ZNF609: variants seen among roughly 807,000 people sequenced by gnomAD.
The protein encoded by ZNF609 is zinc finger protein 609.
In ZNF609, 11 loss-of-function variants were observed where a neutral mutation model predicts 109.5. The observed-to-expected ratio is 0.10, with a 90% confidence interval of 0.06 to 0.17. ZNF609 has a LOEUF of 0.17. ZNF609 is among the 10% of genes least tolerant of loss of function. The probability of loss-of-function intolerance (pLI) is 1.00; values close to 1 mark genes in which losing one functional copy is unlikely to be tolerated. For synonymous variants in ZNF609, 646 were observed against 662.0 expected, an observed-to-expected ratio of 0.98 and a Z score of 0.37; for missense variants, 1,559 against 1,772.4, an observed-to-expected ratio of 0.88 and a Z score of 2.16.
chr15:64,674,067 G>A lies in ZNF609; in HGVS notation c.1213G>A (p.Ala405Thr). The change falls in exon 5 of 10, where the codon GCC becomes ACC. Residue 405 changes from alanine to threonine, a missense_variant. By Grantham distance (58) the Ala-to-Thr change is moderately conservative. Around this residue, in one of 4 missense-constraint regions of ZNF609, gnomAD observed 1,204 missense variants for 1,314.1 expected, o/e 0.92. Coordinates refer to ENST00000326648, the MANE Select transcript of ZNF609 (RefSeq NM_015042.2). Reference protein sequence around the residue: ...TSNSSKTRAGANSKGRRGSQN... With the variant: ...TSNSSKTRAGTNSKGRRGSQN... ...TAACAGCAGCAAAACCCGGGCAGGA[G>A]CCAATAGCAAAGGCCGTCGGGGCAG... 7 of 1,614,198 alleles carry A rather than the reference G, an allele frequency of 4.3e-6. 1 individual carries two copies. Among genetic ancestry groups the A allele is most frequent in the Middle Eastern group, 1.6e-4 (1 of 6,062 alleles).
At chr15:64,627,852 G>C (rs1388085281) in intron 3 of ZNF609, among the ~76,000 whole-genome samples, 1 of 150,386 alleles carries the variant, frequency 6.6e-6, no homozygotes, top group Non-Finnish European at 1.5e-5. Context: ...TAGAGACAGA[G>C]TCTTGCTATG....
At chr15:64,588,404 C>T (rs1212799515) in intron 2 of ZNF609, among the ~76,000 whole-genome samples, 4 of 96,468 alleles carry the variant, frequency 4.1e-5, no homozygotes, top group South Asian at 3.6e-4. Flanking sequence ...CTCCAGCCTG[C>T]GTAACAGAGC....
intron 2 of ZNF609, among the ~76,000 whole-genome samples, chr15:64,562,312 A>G (rs686634): frequency 0.74 from 113,049 of 152,194 alleles, 45,515 homozygotes; most frequent in East Asian, 0.96. Context: ...AAAGTAGACT[A>G]TGCTAGGCAA....
chr15:64,636,700 G>GAA (rs1347175880), intron 3 of ZNF609, among the ~76,000 whole-genome samples: 16 of 152,288 alleles, frequency 1.1e-4, no homozygotes, highest in African/African-American at 3.9e-4. Context: ...TGAAGAAAGC[G>GAA]AAACCCTCCC....
chr15:64,651,539 C>G (rs1896415701), intron 3 of ZNF609, among the ~76,000 whole-genome samples: 1 of 152,168 alleles, frequency 6.6e-6, no homozygotes, highest in East Asian at 1.9e-4. Flanking sequence ...TTATTTTAAA[C>G]TAGGAAACCA....
At chr15:64,643,699 T>A (rs1595750323) in intron 3 of ZNF609, 1 of 152,248 alleles carries the variant, frequency 6.6e-6, no homozygotes, top group South Asian at 2.1e-4. Flanking sequence ...CAGCAACAAT[T>A]ATTAATATTT....
At chr15:64,613,275 C>G (rs1895745645) in intron 2 of ZNF609, among the ~76,000 whole-genome samples, 1 of 151,978 alleles carries the variant, frequency 6.6e-6, no homozygotes, top group African/African-American at 2.4e-5. Context: ...GAGCCATAAT[C>G]ACATGAGCCT....
intron 2 of ZNF609, among the ~76,000 whole-genome samples, chr15:64,607,076 G>A (rs969987521): frequency 4.0e-5 from 6 of 151,804 alleles, no homozygotes; most frequent in Non-Finnish European, 8.8e-5. Flanking sequence ...CTCGGGAGGC[G>A]GAGGTTGCAG....
At chr15:64,647,044 C>G (rs2140994739) in intron 3 of ZNF609, among the ~76,000 whole-genome samples, 1 of 151,660 alleles carries the variant, frequency 6.6e-6, no homozygotes, top group Non-Finnish European at 1.5e-5. Context: ...CTTAGTACTC[C>G]CAGCTACTCA....
At chr15:64,526,645 G>A (rs192066010) in intron 2 of ZNF609, among the ~76,000 whole-genome samples, 4 of 151,264 alleles carry the variant, frequency 2.6e-5, no homozygotes, top group Admixed American at 2.6e-4. Context: ...ATGGGGTCTT[G>A]CCCTGTCACC....
In ZNF609 at chr15:64,553,571, A is replaced by ATTTTATT. The variant is rs1483258362; in HGVS notation, c.747+53416_747+53422dup. ...TTTTTTAATTTTAATTTATTTTTTA[A>ATTTTATT]TTTTATTTTTTATTTTTATTTTTAT... On this transcript the variant is annotated intron_variant, in intron 2 of 9. Transcript: ENST00000326648. 1.6e-3 allele frequency among the ~76,000 whole-genome samples: 244 copies of ATTTTATT among 150,784 alleles called. 2 individuals are homozygous for ATTTTATT. The highest frequency in any genetic ancestry group is 5.5e-3 in the African/African-American group (228 of 41,298).
chr15:64,560,383 C>T (rs74245441), intron 2 of ZNF609, among the ~76,000 whole-genome samples: 15,921 of 151,594 alleles, frequency 0.11, 1,456 homozygotes, highest in South Asian at 0.34. Flanking sequence ...TTTTTCCCCC[C>T]GCAGAAGATC....
chr15:64,498,861 A>T (rs1206861511), intron 1 of ZNF609, among the ~76,000 whole-genome samples: 6 of 152,184 alleles, frequency 3.9e-5, no homozygotes. Flanking sequence ...CTTTTGCTAG[A>T]TCATGTTCTG....
chr15:64,618,093 A>C (rs1385989676), intron 2 of ZNF609, among the ~76,000 whole-genome samples: 1 of 150,254 alleles, frequency 6.7e-6, no homozygotes, highest in Non-Finnish European at 1.5e-5. Context: ...TTTTAGGTAT[A>C]TGAAAAGATG....
intron 1 of ZNF609, among the ~76,000 whole-genome samples, chr15:64,484,305 A>G (rs1457538467): frequency 6.6e-6 from 1 of 152,212 alleles, no homozygotes; most frequent in Non-Finnish European, 1.5e-5. Flanking sequence ...TAAGAATTGC[A>G]TTTAAAAAGA....
In ZNF609 at chr15:64,499,985, T is replaced by C; in HGVS notation, c.566T>C (p.Val189Ala). The change falls in exon 2 of 10, where the codon GTT (valine) becomes GCT (alanine). Residue 189 changes from valine (V) to alanine (A), a missense_variant. By Grantham distance (64) the Val-to-Ala change is moderately conservative. Coordinates refer to ENST00000326648, the MANE Select transcript of ZNF609 (RefSeq NM_015042.2). ...AAGGATCCTGGGGTCCTCCAGCCAG[T>C]TCCCTTGGGAGGACGGGGTGGTCAG... ...SEKDPGVLQP[V>A]PLGGRGGQYD... 6.2e-7 allele frequency: 1 copy of C among 1,614,084 alleles called. No homozygotes were observed. The highest frequency in any genetic ancestry group is 8.5e-7 in the Non-Finnish European group (1 of 1,180,012).
At chr15:64,657,629 G>A (rs551563447) in intron 3 of ZNF609, among the ~76,000 whole-genome samples, 1 of 152,164 alleles carries the variant, frequency 6.6e-6, no homozygotes, top group Admixed American at 6.6e-5. Flanking sequence ...AAACAGCAGC[G>A]TTTGAGGTAG....
chr15:64,573,776 C>T (rs1269056382), intron 2 of ZNF609, among the ~76,000 whole-genome samples: 1 of 152,102 alleles, frequency 6.6e-6, no homozygotes, highest in Non-Finnish European at 1.5e-5. Flanking sequence ...CATGTTCTTT[C>T]AAACTCTGTG....
At chr15:64,574,171 A>ATTTTTT (rs71133443) in intron 2 of ZNF609, among the ~76,000 whole-genome samples, 1 of 91,088 alleles carries the variant, frequency 1.1e-5, no homozygotes, top group African/African-American at 5.1e-5. Flanking sequence ...TTCATGCTGG[A>ATTTTTT]TTTTTTTTTT....
Sources: allele counts gnomAD v4.1 joint callset (sites outside exome capture counted in the v4.1 genomes callset), GRCh38; gene constraint gnomAD v4.1.1; regional missense constraint gnomAD v4.1.1; transcripts MANE v1.5; gene names NCBI Gene and HGNC (gene_info 2026-07-23, HGNC 2026-07-21).